Variants in DAB1 observed in about 807,000 individuals in gnomAD.
DAB1 encodes disabled homolog 1.
Under a neutral mutation model 64.6 loss-of-function variants are expected in DAB1, and 15 were observed. That is an observed-to-expected ratio of 0.23 (90% CI 0.16 to 0.36). The LOEUF is 0.36. Ranked by LOEUF, DAB1 falls within the 10% of genes least tolerant of loss-of-function variation. DAB1 has a pLI of 1.00. For missense variants in DAB1, 596 were observed against 706.7 expected (o/e 0.84, Z 1.78); for synonymous variants, 235 against 251.9 (o/e 0.93, Z 0.64).
chr1:58,534,999 A>G (rs1216477338), intron 1 of DAB1, among the ~76,000 whole-genome samples: 2 of 152,192 alleles, frequency 1.3e-5, no homozygotes, highest in Non-Finnish European at 2.9e-5. Flanking sequence ...GTAAAATACA[A>G]AAGAAAATTA....
chr1:57,494,987 A>C lies in DAB1; in HGVS notation n.625+154605T>G, dbSNP rs149313274. ...TTAATATATGGGATAACTGAATCAC[A>C]ATTCGAGCCATTCTCAACAGCCTGG... On this transcript the variant is annotated intron_variant and non_coding_transcript_variant, in intron 7 of 20. Transcript: ENST00000485760. 8.0e-3 allele frequency among the ~76,000 whole-genome samples: 1,224 copies of C among 152,300 alleles called. 26 individuals carry two copies. The highest frequency in any genetic ancestry group is 0.028 in the African/African-American group (1,155 of 41,564).
intron 6 of DAB1, among the ~76,000 whole-genome samples, chr1:57,694,727 G>A (rs561064748): frequency 1.8e-4 from 27 of 152,056 alleles, no homozygotes; most frequent in African/African-American, 4.8e-4. Context: ...CAAGAATTCC[G>A]TAAGTATCAG....
intron 2 of DAB1, among the ~76,000 whole-genome samples, chr1:57,209,039 T>C (rs561046549): frequency 6.6e-6 from 1 of 152,348 alleles, no homozygotes; most frequent in South Asian, 2.1e-4. Flanking sequence ...GAAGGTGAGC[T>C]GCAGATGGCA....
intron 6 of DAB1, among the ~76,000 whole-genome samples, chr1:57,679,186 T>G (rs1471174057): frequency 6.6e-6 from 1 of 152,232 alleles, no homozygotes; most frequent in Non-Finnish European, 1.5e-5. Flanking sequence ...AGATCTGATC[T>G]GAATGAGACC....
intron 5 of DAB1, chr1:58,048,308 T>G: frequency 8.3e-7 from 1 of 1,202,626 alleles, no homozygotes; most frequent in Non-Finnish European, 1.2e-6. Flanking sequence ...ATCTCCCCCC[T>G]TCATGGGTCC....
At chr1:58,392,136 G>C (rs949083312) in intron 3 of DAB1, among the ~76,000 whole-genome samples, 1 of 152,122 alleles carries the variant, frequency 6.6e-6, no homozygotes, top group East Asian at 1.9e-4. Flanking sequence ...CACTTAGCAG[G>C]GCAGGCAGGA....
chr1:57,328,980 T>C (rs1676416832), intron 1 of DAB1, among the ~76,000 whole-genome samples: 1 of 152,220 alleles, frequency 6.6e-6, no homozygotes, highest in South Asian at 2.1e-4. Context: ...ATGAGGGCCT[T>C]AGGAAAAATT....
At chr1:57,544,655 T>A (rs1644837023) in intron 7 of DAB1, among the ~76,000 whole-genome samples, 1 of 152,142 alleles carries the variant, frequency 6.6e-6, no homozygotes, top group Non-Finnish European at 1.5e-5. Context: ...GTAGTTCCCA[T>A]AATCCCCATG....
At chr1:57,107,381 A>T (rs1282780172) in intron 4 of DAB1, among the ~76,000 whole-genome samples, 1 of 21,898 alleles carries the variant, frequency 4.6e-5, no homozygotes, top group South Asian at 1.1e-3. Flanking sequence ...TTTCATTAAA[A>T]AAAAAAAAAA....
chr1:57,180,599 C>T (rs1197652193), intron 2 of DAB1, among the ~76,000 whole-genome samples: 4 of 152,086 alleles, frequency 2.6e-5, no homozygotes, highest in African/African-American at 9.7e-5. Flanking sequence ...AGCTTTGTTC[C>T]TAGATAACAA....
intron 2 of DAB1, among the ~76,000 whole-genome samples, chr1:57,260,572 A>G (rs1409171047): frequency 2.0e-5 from 3 of 152,206 alleles, no homozygotes; most frequent in African/African-American, 7.2e-5. Context: ...TTAAGAGTCA[A>G]TGACATGACA....
chr1:57,229,526 A>G (rs1667518287), intron 2 of DAB1, among the ~76,000 whole-genome samples: 1 of 152,126 alleles, frequency 6.6e-6, no homozygotes, highest in Non-Finnish European at 1.5e-5. Flanking sequence ...GAAAAAAAAA[A>G]TCTGAAGCAA....
At chr1:57,160,863 A>T (rs117081587) in intron 2 of DAB1, among the ~76,000 whole-genome samples, 2 of 152,132 alleles carry the variant, frequency 1.3e-5, no homozygotes, top group African/African-American at 4.8e-5. Context: ...CCAATCAATA[A>T]CTGGTTGATT....
intron 3 of DAB1, among the ~76,000 whole-genome samples, chr1:58,427,099 G>A (rs528213127): frequency 6.6e-6 from 1 of 152,302 alleles, no homozygotes; most frequent in East Asian, 1.9e-4. Flanking sequence ...GTGTGGTGGA[G>A]TAGGGTGGAG....
At chr1:58,482,428 T>G (rs570712816) in intron 3 of DAB1, among the ~76,000 whole-genome samples, 1 of 152,230 alleles carries the variant, frequency 6.6e-6, no homozygotes, top group African/African-American at 2.4e-5. Context: ...CTCTTCAAAG[T>G]GGGTATATGG....
At chr1:58,348,969 G>A (rs1008541089) in intron 3 of DAB1, among the ~76,000 whole-genome samples, 1 of 152,198 alleles carries the variant, frequency 6.6e-6, no homozygotes, top group African/African-American at 2.4e-5. Context: ...AAAGTTTCAT[G>A]AAAAAGGTGA....
chr1:57,361,096 G>A (rs1445588862), intron 1 of DAB1, among the ~76,000 whole-genome samples: 11 of 151,958 alleles, frequency 7.2e-5, no homozygotes. Context: ...CTGAGAAATG[G>A]CATCCCTCCT....
chr1:57,635,626 A>C (rs112285495), intron 7 of DAB1, among the ~76,000 whole-genome samples: 3,273 of 152,238 alleles, frequency 0.021, 117 homozygotes, highest in African/African-American at 0.075. Context: ...GAGTTGTATA[A>C]TTATTTCATT....
chr1:58,175,756 A>G (rs1030749207), intron 4 of DAB1, among the ~76,000 whole-genome samples: 1 of 152,224 alleles, frequency 6.6e-6, no homozygotes, highest in Admixed American at 6.5e-5. Flanking sequence ...AGAAAGTTAA[A>G]TAACTTTCTC....
Sources: allele counts gnomAD v4.1 joint callset (sites outside exome capture counted in the v4.1 genomes callset), GRCh38; gene constraint gnomAD v4.1.1; transcripts MANE v1.5; gene names NCBI Gene and HGNC (gene_info 2026-07-23, HGNC 2026-07-21).